Variants in ZC3H7B observed in about 807,000 individuals in gnomAD.
ZC3H7B encodes the protein zinc finger CCCH-type containing 7B, also known as zinc finger CCCH domain-containing protein 7B.
In ZC3H7B, 35 loss-of-function variants were observed where a neutral mutation model predicts 116.0. The ratio of observed to expected loss-of-function variants is 0.30; its 90% CI spans 0.23 to 0.40. The LOEUF is 0.40. Ranked by LOEUF, ZC3H7B falls within the 10% of genes least tolerant of loss-of-function variation. The pLI is 1.00. For synonymous variants in ZC3H7B, 502 were observed against 545.6 expected (o/e 0.92, Z 1.11); for missense variants, 1,011 against 1,321.5 (o/e 0.77, Z 3.64).
chr22:41,315,106 C>T (rs758233862), intron 1 of ZC3H7B, among the ~76,000 whole-genome samples: 28 of 151,800 alleles, frequency 1.8e-4, no homozygotes, highest in Middle Eastern at 6.8e-3. Flanking sequence ...TTCTTTGAGA[C>T]AGGGTCTCAC....
In ZC3H7B at chr22:41,339,937, C is replaced by T; in HGVS notation, c.938C>T (p.Ser313Phe). 1 of 1,613,416 alleles carries T rather than the reference C, an allele frequency of 6.2e-7. No homozygotes were observed. Among genetic ancestry groups the T allele is most frequent in the Non-Finnish European group, 8.5e-7 (1 of 1,180,006 alleles). The change falls in exon 10 of 23, where the codon TCC (serine) becomes TTC (phenylalanine). Residue 313 changes from serine to phenylalanine, a missense_variant. This residue lies in a region of ZC3H7B where 322 missense variants were observed against 443.9 expected (regional missense o/e 0.73). Coordinates refer to ENST00000352645, the MANE Select transcript of ZC3H7B (RefSeq NM_017590.6). ...PPVVGGSIPVSSPLPPASFGL... is the reference protein window; with the variant it reads ...PPVVGGSIPVFSPLPPASFGL... The stretch of plus-strand genomic sequence containing the variant: ...GTGGTGGGTGGCTCCATCCCTGTCT[C>T]CAGCCCACTGCCCCCCGCCTCCTTC...
In ZC3H7B at chr22:41,320,643, T is replaced by C; in HGVS notation, c.-6-12T>C. On this transcript the variant is annotated splice_polypyrimidine_tract_variant and intron_variant, in intron 1 of 22. Coordinates refer to ENST00000352645, the MANE Select transcript of ZC3H7B (RefSeq NM_017590.6). ...TTGCTGACTGACTGATGGACTGTGC[T>C]CTCTTCCCCAGAGACTGATGGAGAG... 6.2e-7 allele frequency: 1 copy of C among 1,613,386 alleles called. No homozygotes were observed. The highest frequency in any genetic ancestry group is 8.5e-7 in the Non-Finnish European group (1 of 1,179,626).
At chr22:41,330,930 G>T (rs1242220394) in intron 6 of ZC3H7B, among the ~76,000 whole-genome samples, 1 of 145,852 alleles carries the variant, frequency 6.9e-6, no homozygotes, top group Non-Finnish European at 1.5e-5. Context: ...GTGCAGTGGC[G>T]CGATCTCAGC....
At position 41,319,123 on chromosome 22, in the gene ZC3H7B, T is replaced by C. The variant is rs190883423; in HGVS notation, c.-6-1532T>C. Among the ~76,000 whole-genome samples, 180 of 152,050 alleles carry C rather than the reference T, an allele frequency of 1.2e-3. 1 individual carries two copies. Among genetic ancestry groups the C allele is most frequent in the African/African-American group, 4.1e-3 (169 of 41,480 alleles). The stretch of plus-strand genomic sequence containing the variant: ...ATCTGTACTAAAAATACAAAAAGGC[T>C]GGGCACAGTGGCTCACGCCTGTAAT... On this transcript the variant is annotated intron_variant, in intron 1 of 22. Transcript: ENST00000352645.
intron 1 of ZC3H7B, among the ~76,000 whole-genome samples, chr22:41,306,615 C>T (rs2036044453): frequency 1.3e-5 from 2 of 152,170 alleles, no homozygotes; most frequent in Non-Finnish European, 1.5e-5. Context: ...AGTGGTCCAC[C>T]CGCCTGGGCC....
At position 41,357,511 on chromosome 22, in the gene ZC3H7B, GC is replaced by G; in HGVS notation, c.*84del. The G allele has an allele frequency of 1.6e-6, 1 of 623,394 alleles. No individual in the cohort carries two copies. The highest frequency in any genetic ancestry group is 2.6e-6 in the Non-Finnish European group (1 of 385,616). 38.6% of individuals were successfully genotyped at this position (623,394 alleles called of 1,614,324 possible). A position where few individuals can be genotyped will look rare whatever the true frequency, so the allele number is the denominator to read the frequency against. ...AGGCCTGATAGAAGGGTCAGGGCAG[GC>G]CAGGGGGGTGGGGGGCCGCCCTCAT... On this transcript the variant is annotated 3_prime_UTR_variant, in exon 23 of 23. Transcript: ENST00000352645. This position sits in a 1 kb window ranked among gnomAD's most constrained non-coding sequence, Gnocchi z 5.4.
intron 7 of ZC3H7B, chr22:41,336,204 C>T (rs1406654614): frequency 6.6e-6 from 1 of 152,306 alleles, no homozygotes; most frequent in Non-Finnish European, 1.5e-5. Flanking sequence ...AACAGCAGCT[C>T]TCCCAGCCCA....
In ZC3H7B at chr22:41,306,805, G is replaced by A. The variant is rs191981015; in HGVS notation, c.-7+5033G>A. ...CTGCAGAGCCAACCCAGGATGTCTG[G>A]CTCTGGAGCTGGCCTGGTGTGGGCC... On this transcript the variant is annotated intron_variant, in intron 1 of 22. Transcript: ENST00000352645. Among the ~76,000 whole-genome samples the A allele has an allele frequency of 1.8e-3, 279 of 152,230 alleles. 2 individuals are homozygous for A. Among genetic ancestry groups the A allele is most frequent in the African/African-American group, 6.4e-3 (265 of 41,546 alleles).
chr22:41,309,635 C>G, intron 1 of ZC3H7B, among the ~76,000 whole-genome samples: 1 of 152,120 alleles, frequency 6.6e-6, no homozygotes, highest in Admixed American at 6.6e-5. Context: ...TTCCATCACT[C>G]CATGCCACGC....
chr22:41,344,788 C>T (rs998565265), intron 13 of ZC3H7B, among the ~76,000 whole-genome samples: 8 of 152,128 alleles, frequency 5.3e-5, no homozygotes, highest in Non-Finnish European at 1.2e-4. Context: ...GATGGCCCAG[C>T]CCCCAGAAAT....
At chr22:41,335,789 G>A (rs1569237854) in intron 7 of ZC3H7B, 1 of 152,706 alleles carries the variant, frequency 6.5e-6, no homozygotes, top group East Asian at 1.9e-4. Flanking sequence ...GACAGAGTCA[G>A]GACAGGCTCT....
chr22:41,320,332 A>C (rs1244008323), intron 1 of ZC3H7B, among the ~76,000 whole-genome samples: 2 of 137,716 alleles, frequency 1.5e-5, no homozygotes, highest in Non-Finnish European at 1.6e-5. Context: ...CTCTGTATCC[A>C]AAAAAAAAAA....
chr22:41,341,643 T>C (rs1478273877), intron 11 of ZC3H7B, among the ~76,000 whole-genome samples: 3 of 152,018 alleles, frequency 2.0e-5, no homozygotes, highest in Non-Finnish European at 4.4e-5. Flanking sequence ...CTCGCGAGGC[T>C]GAGGCAGAAG....
At chr22:41,341,211 G>C in intron 11 of ZC3H7B, 65 bp downstream of exon 11, 10 of 1,592,800 alleles carry the variant, frequency 6.3e-6, no homozygotes, top group Non-Finnish European at 8.6e-6. Context: ...TTCTAGAGTT[G>C]GGGAATGAGC....
intron 1 of ZC3H7B, among the ~76,000 whole-genome samples, chr22:41,319,208 T>G (rs1055844152): frequency 6.6e-6 from 1 of 152,130 alleles, no homozygotes; most frequent in East Asian, 1.9e-4. Flanking sequence ...GAGACCATCC[T>G]GGCTAACACG....
At chr22:41,306,320 C>T (rs879820023) in intron 1 of ZC3H7B, among the ~76,000 whole-genome samples, 9 of 151,626 alleles carry the variant, frequency 5.9e-5, no homozygotes, top group Non-Finnish European at 8.8e-5. Flanking sequence ...ACTGAACCAG[C>T]AATTCTCTAG....
At position 41,357,436 on chromosome 22, in the gene ZC3H7B, GT is replaced by G. The variant is rs762804960; in HGVS notation, c.*8del. 1.8e-5 allele frequency: 28 copies of G among 1,591,460 alleles called. No individual in the cohort carries two copies. In the African/African-American group the frequency reaches 3.4e-4, roughly 19 times the overall value. ...CGCCACCACTGGGGAGTAGGGCCAG[GT>G]GTTGGCCGTGGGTGAAGTCCTGGGG... On this transcript the variant is annotated 3_prime_UTR_variant, in exon 23 of 23. Coordinates refer to ENST00000352645, the MANE Select transcript of ZC3H7B (RefSeq NM_017590.6). This position sits in a 1 kb window ranked among gnomAD's most constrained non-coding sequence, Gnocchi z 5.4.
In ZC3H7B at chr22:41,357,480, GCCAGAAGGCC is replaced by G. The variant is rs1569245772; in HGVS notation, c.*52_*61del. ...TCCTGGGGTCAGGGGGTGGGGTGGG[GCCAGAAGGCC>G]TGATAGAAGGGTCAGGGCAGGCCAG... On this transcript the variant is annotated 3_prime_UTR_variant, in exon 23 of 23. Coordinates refer to ENST00000352645, the MANE Select transcript of ZC3H7B (RefSeq NM_017590.6). The surrounding 1 kb of genome is among the most constrained non-coding windows in gnomAD (Gnocchi z 5.4). 6.0e-6 allele frequency: 8 copies of G among 1,332,156 alleles called. No individual in the cohort carries two copies. The highest frequency in any genetic ancestry group is 8.3e-6 in the Non-Finnish European group (8 of 964,066). 82.5% of individuals were successfully genotyped at this position (1,332,156 alleles called of 1,614,324 possible).
chr22:41,342,601 G>T lies in ZC3H7B; in HGVS notation c.1270G>T (p.Ala424Ser). The T allele has an allele frequency of 1.2e-6, 2 of 1,612,974 alleles. No individual in the cohort carries two copies. The highest frequency in any genetic ancestry group is 1.7e-6 in the Non-Finnish European group (2 of 1,179,878). Residue 424 changes from alanine (A) to serine (S), a missense_variant, in exon 12 of 23, where the codon GCC becomes TCC. Ala to Ser is a moderately conservative substitution (Grantham distance 99). Coordinates refer to ENST00000352645, the MANE Select transcript of ZC3H7B (RefSeq NM_017590.6). Reference sequence around the variant, plus strand: ...GGCTGCCACCCACGAGTTCAAGCAGGCCTGCCAGCTCTGCTACCCCAAGAC... The same window carrying T: ...GGCTGCCACCCACGAGTTCAAGCAGTCCTGCCAGCTCTGCTACCCCAAGAC... ...PLAATHEFKQ[A>S]CQLCYPKTGP...
Sources: gnomAD v4.1 joint callset for allele counts (sites outside exome capture counted in the v4.1 genomes callset) on GRCh38, gnomAD v4.1.1 for gene constraint, gnomAD v4.1.1 regional missense constraint, Gnocchi (gnomAD v3.1) non-coding constraint, MANE v1.5 for transcripts, NCBI Gene and HGNC (gene_info 2026-07-23, HGNC 2026-07-21) for gene names.